TNRC6B: variants seen among roughly 807,000 people sequenced by gnomAD.
The protein encoded by TNRC6B is trinucleotide repeat containing adaptor 6B.
TNRC6B carries 52 observed loss-of-function variants against 203.6 expected under a neutral mutation model. The ratio of observed to expected loss-of-function variants is 0.26; its 90% confidence interval spans 0.20 to 0.32. TNRC6B has a LOEUF of 0.32. Ranked by LOEUF, TNRC6B falls within the 10% of genes least tolerant of loss-of-function variation. The pLI, the probability that TNRC6B is intolerant of heterozygous loss-of-function variation, is 1.00. For missense variants in TNRC6B, 1,923 were observed against 2,286.2 expected (o/e 0.84, Z 3.24); for synonymous variants, 838 against 845.7 (o/e 0.99, Z 0.16).
chr22:40,116,380 A>G (rs1305863269), intron 1 of TNRC6B, among the ~76,000 whole-genome samples: 1 of 152,202 alleles, frequency 6.6e-6, no homozygotes. Context: ...TGGCCATTTA[A>G]TATATATTCC....
chr22:40,077,896 A>G (rs1409357151), intron 1 of TNRC6B, among the ~76,000 whole-genome samples: 3 of 152,222 alleles, frequency 2.0e-5, no homozygotes, highest in African/African-American at 4.8e-5. Flanking sequence ...AGTAGACTTC[A>G]TATTTAATGG....
chr22:40,233,485 G>T (rs1440063503), intron 1 of TNRC6B, among the ~76,000 whole-genome samples: 2 of 151,014 alleles, frequency 1.3e-5, no homozygotes, highest in African/African-American at 4.9e-5. Flanking sequence ...AGCCCAGCGT[G>T]GTTTCATGTG....
At chr22:40,208,315 C>T (rs1259875265) in intron 1 of TNRC6B, among the ~76,000 whole-genome samples, 7 of 152,000 alleles carry the variant, frequency 4.6e-5, no homozygotes, top group Non-Finnish European at 1.0e-4. Flanking sequence ...TAACCTACCC[C>T]ACAGAAGAGC....
chr22:40,210,596 T>G (rs1363317113), intron 1 of TNRC6B, among the ~76,000 whole-genome samples: 1 of 152,172 alleles, frequency 6.6e-6, no homozygotes, highest in Non-Finnish European at 1.5e-5. Flanking sequence ...TGGTGTAGAA[T>G]CTAAACTCAT....
At chr22:40,196,952 A>G (rs943563350) in intron 1 of TNRC6B, among the ~76,000 whole-genome samples, 9 of 152,200 alleles carry the variant, frequency 5.9e-5, no homozygotes, top group South Asian at 2.1e-4. Flanking sequence ...TCATAAGAAA[A>G]AAGGAGTGCT....
In TNRC6B at chr22:40,251,322, G is replaced by A. The variant is rs958154365; in HGVS notation, c.115+122G>A. ...GGGCGTAGAGTAATTAAGGTGGGTTGTTTGCAGTCACTGAGGAGCAGTAAT... is the reference window on the plus strand; with the variant it reads ...GGGCGTAGAGTAATTAAGGTGGGTTATTTGCAGTCACTGAGGAGCAGTAAT... On this transcript the variant is annotated intron_variant, in intron 3 of 22. Coordinates refer to ENST00000454349, the MANE Select transcript of TNRC6B (RefSeq NM_001162501.2). 26 of 687,392 alleles carry A rather than the reference G, an allele frequency of 3.8e-5. No individual in the cohort carries two copies. The African/African-American group carries it at 4.6e-4, about 12-fold the overall frequency. 42.6% of individuals were successfully genotyped at this position (687,392 alleles called of 1,614,324 possible). A position where few individuals can be genotyped will look rare whatever the true frequency, so the allele number is the denominator to read the frequency against.
chr22:40,320,979 A>G (rs1161684868), intron 21 of TNRC6B, 111 bp from the exon 22 acceptor site: 8 of 1,278,900 alleles, frequency 6.3e-6, no homozygotes, highest in Non-Finnish European at 8.8e-6. Flanking sequence ...ATTTATGGAA[A>G]CTATTTGCAA....
rs575498085 is a variant in TNRC6B at position 40,243,697 on chromosome 22, G to A, written c.6-2318G>A. 4.1e-4 allele frequency among the ~76,000 whole-genome samples: 62 copies of A among 151,944 alleles called. No homozygotes were observed. In the Middle Eastern group the frequency reaches 0.01, roughly 25 times the overall value. ...CCTCCCAGGTTCAAGCGATTTTCCC[G>A]CCTCCGCCTCCCAAGTAGCTGGGAT... On this transcript the variant is annotated intron_variant, in intron 1 of 22. Coordinates refer to ENST00000454349, the MANE Select transcript of TNRC6B (RefSeq NM_001162501.2).
At chr22:40,059,325 C>T (rs528230688) in intron 1 of TNRC6B, among the ~76,000 whole-genome samples, 3 of 152,280 alleles carry the variant, frequency 2.0e-5, no homozygotes, top group Admixed American at 6.5e-5. Context: ...TAATGAATTA[C>T]GTAGACTTTG....
intron 1 of TNRC6B, among the ~76,000 whole-genome samples, chr22:40,226,378 C>A (rs544800849): frequency 1.4e-3 from 219 of 152,176 alleles, no homozygotes; most frequent in Admixed American, 2.0e-3. Flanking sequence ...AGAGGATTTC[C>A]AGGATTCGAA....
intron 3 of TNRC6B, among the ~76,000 whole-genome samples, chr22:40,127,801 G>A (rs2068507318): frequency 1.3e-5 from 2 of 152,128 alleles, no homozygotes; most frequent in African/African-American, 4.8e-5. Flanking sequence ...ACCCAGGGCT[G>A]TTGACGCTGC....
chr22:40,293,762 G>A (rs2070900478), intron 12 of TNRC6B, among the ~76,000 whole-genome samples: 1 of 152,044 alleles, frequency 6.6e-6, no homozygotes. Context: ...GTTCACTGCT[G>A]GAGCCTGAGC....
At position 40,310,812 on chromosome 22, in the gene TNRC6B, C is replaced by A; in HGVS notation, c.4259-5C>A. 6.2e-7 allele frequency: 1 copy of A among 1,602,902 alleles called. No homozygotes were observed. The highest frequency in any genetic ancestry group is 8.5e-7 in the Non-Finnish European group (1 of 1,175,038). ...TGGATGATTTAATTTCCTCTCTTTT[C>A]TCAGGCGCTATAGTGGCCCCTGGTA... On this transcript the variant is annotated splice_region_variant and splice_polypyrimidine_tract_variant and intron_variant, in intron 16 of 22. Coordinates refer to ENST00000454349, the MANE Select transcript of TNRC6B (RefSeq NM_001162501.2).
At chr22:40,068,799 G>C (rs1436844724) in intron 1 of TNRC6B, among the ~76,000 whole-genome samples, 1 of 151,538 alleles carries the variant, frequency 6.6e-6, no homozygotes, top group Non-Finnish European at 1.5e-5. Context: ...GCCCAGGCTG[G>C]TCTCAAACTC....
intron 4 of TNRC6B, chr22:40,156,314 G>A (rs1446046029): frequency 4.4e-5 from 35 of 792,972 alleles, no homozygotes; most frequent in Admixed American, 2.6e-5. Context: ...TTGCTTTGGT[G>A]GCTGTTAATG....
chr22:40,312,049 A>G (rs1008460680), intron 17 of TNRC6B, among the ~76,000 whole-genome samples: 4 of 152,240 alleles, frequency 2.6e-5, no homozygotes, highest in Non-Finnish European at 5.9e-5. Flanking sequence ...ATCCCTGGAC[A>G]TTCTGTGTAG....
intron 1 of TNRC6B, among the ~76,000 whole-genome samples, chr22:40,061,404 G>A (rs1434064164): frequency 6.7e-6 from 1 of 149,662 alleles, no homozygotes; most frequent in Non-Finnish European, 1.5e-5. Context: ...TGTATTTTTA[G>A]TAGCGACAGG....
chr22:40,127,527 C>A (rs1385067251), intron 3 of TNRC6B, among the ~76,000 whole-genome samples: 1 of 152,112 alleles, frequency 6.6e-6, no homozygotes, highest in Non-Finnish European at 1.5e-5. Flanking sequence ...CCCAGAATTT[C>A]TGAGGTACAT....
At chr22:40,261,718 G>A in intron 3 of TNRC6B, 114 bp from the exon 4 acceptor site, 3 of 949,586 alleles carry the variant, frequency 3.2e-6, no homozygotes, top group African/African-American at 1.7e-5. Context: ...AGACCAGCAT[G>A]GGCAACATGG....
Sources: allele counts gnomAD v4.1 joint callset (sites outside exome capture counted in the v4.1 genomes callset), GRCh38; gene constraint gnomAD v4.1.1; transcripts MANE v1.5; gene names NCBI Gene and HGNC (gene_info 2026-07-23, HGNC 2026-07-21).